Variants in MIR2052HG observed in about 807,000 individuals in gnomAD.
MIR2052HG encodes MIR2052 host gene.
At chr8:74,719,110 C>G (rs1809549190) in intron 4 of MIR2052HG, among the ~76,000 whole-genome samples, 1 of 148,602 alleles carries the variant, frequency 6.7e-6, no homozygotes, top group Non-Finnish European at 1.5e-5. Flanking sequence ...GTAGAAAATA[C>G]TCACCTATTC....
At chr8:74,702,748 A>G (rs1408879624) in intron 3 of MIR2052HG, among the ~76,000 whole-genome samples, 1 of 152,132 alleles carries the variant, frequency 6.6e-6, no homozygotes, top group Non-Finnish European at 1.5e-5. Flanking sequence ...CAATTCAATC[A>G]AAGTGTTTTC....
intron 4 of MIR2052HG, among the ~76,000 whole-genome samples, chr8:74,729,982 A>C (rs1388427792): frequency 1.3e-5 from 2 of 152,210 alleles, no homozygotes; most frequent in East Asian, 3.8e-4. Context: ...TGGTGGAAGA[A>C]TAACCAAAAG....
At chr8:74,640,652 G>A (rs1011996399) in intron 2 of MIR2052HG, among the ~76,000 whole-genome samples, 1 of 152,058 alleles carries the variant, frequency 6.6e-6, no homozygotes, top group Non-Finnish European at 1.5e-5. Flanking sequence ...GTACAAATTA[G>A]GGAAAATAAA....
intron 4 of MIR2052HG, among the ~76,000 whole-genome samples, chr8:74,723,689 A>C (rs1809602754): frequency 6.6e-6 from 1 of 152,198 alleles, no homozygotes; most frequent in South Asian, 2.1e-4. Context: ...TCTCTAAGTA[A>C]AAGGCATATG....
chr8:74,600,407 A>T (rs1432008659), intron 1 of MIR2052HG, among the ~76,000 whole-genome samples: 2 of 151,210 alleles, frequency 1.3e-5, no homozygotes, highest in African/African-American at 4.9e-5. Context: ...AACATGGAGA[A>T]ACCCCGTTTC....
chr8:74,651,135 CA>C (rs1808747130), intron 2 of MIR2052HG, among the ~76,000 whole-genome samples: 2 of 136,804 alleles, frequency 1.5e-5, no homozygotes, highest in Admixed American at 1.4e-4. Flanking sequence ...TTTTTTTTCT[CA>C]TTTTTTTTTC....
chr8:74,607,983 T>C lies in MIR2052HG; in HGVS notation n.129-4870T>C, dbSNP rs548400059. On this transcript the variant is annotated intron_variant and non_coding_transcript_variant, in intron 1 of 6. Coordinates refer to ENST00000523442, the Ensembl canonical transcript of MIR2052HG. ...GTGCCTTATCTATTGGGCAGTTGAA[T>C]TGGCATCTTCATTGGCAGAAATATT... 6.4e-4 allele frequency among the ~76,000 whole-genome samples: 97 copies of C among 152,290 alleles called. 1 individual carries two copies. The highest frequency in any genetic ancestry group is 1.1e-3 in the Non-Finnish European group (73 of 68,024).
chr8:74,679,863 G>A (rs1486806111), intron 2 of MIR2052HG, among the ~76,000 whole-genome samples: 8 of 151,970 alleles, frequency 5.3e-5, no homozygotes, highest in Admixed American at 5.3e-4. Context: ...ATTCTTAACA[G>A]CTAAATAGTA....
At chr8:74,754,134 G>C (rs975462682) in intron 5 of MIR2052HG, among the ~76,000 whole-genome samples, 1 of 152,146 alleles carries the variant, frequency 6.6e-6, no homozygotes, top group African/African-American at 2.4e-5. Flanking sequence ...GAACATAATA[G>C]TACCTACCTC....
chr8:74,748,074 T>C (rs1809905179), intron 4 of MIR2052HG, among the ~76,000 whole-genome samples: 1 of 152,238 alleles, frequency 6.6e-6, no homozygotes, highest in Non-Finnish European at 1.5e-5. Flanking sequence ...GGCAATGGTT[T>C]CTGTTATGAA....
At chr8:74,742,510 A>G (rs1183566043) in intron 4 of MIR2052HG, among the ~76,000 whole-genome samples, 1 of 152,156 alleles carries the variant, frequency 6.6e-6, no homozygotes, top group African/African-American at 2.4e-5. Context: ...CTTTGGATAA[A>G]TGATGCCTAT....
At chr8:74,757,124 A>G (rs1810013092) in intron 5 of MIR2052HG, 1 of 151,860 alleles carries the variant, frequency 6.6e-6, no homozygotes, top group Non-Finnish European at 1.5e-5. Flanking sequence ...ACTGGAGGTC[A>G]TGCAGAGATT....
At chr8:74,664,010 A>G (rs10109333) in intron 2 of MIR2052HG, among the ~76,000 whole-genome samples, 4,574 of 152,294 alleles carry the variant, frequency 0.03, 212 homozygotes, top group African/African-American at 0.1. Flanking sequence ...TTCTAAGTGA[A>G]GTAATTCAGG....
At chr8:74,703,378 TC>T (rs566227717) in intron 3 of MIR2052HG, among the ~76,000 whole-genome samples, 11 of 152,046 alleles carry the variant, frequency 7.2e-5, no homozygotes, top group Non-Finnish European at 1.5e-4. Flanking sequence ...AAACCTATGG[TC>T]TTTTACCAAA....
At chr8:74,755,038 C>G (rs2128757084) in intron 5 of MIR2052HG, among the ~76,000 whole-genome samples, 2 of 152,298 alleles carry the variant, frequency 1.3e-5, no homozygotes, top group Non-Finnish European at 2.9e-5. Context: ...ATTAGGTCGT[C>G]CAGGGGACCC....
At chr8:74,676,391 C>T (rs935036761) in intron 2 of MIR2052HG, among the ~76,000 whole-genome samples, 1 of 151,860 alleles carries the variant, frequency 6.6e-6, no homozygotes, top group Non-Finnish European at 1.5e-5. Flanking sequence ...ATTTATGGTT[C>T]TTATCTTGCT....
At chr8:74,641,248 G>A (rs1563520742) in intron 2 of MIR2052HG, among the ~76,000 whole-genome samples, 1 of 151,990 alleles carries the variant, frequency 6.6e-6, no homozygotes, top group Admixed American at 6.6e-5. Flanking sequence ...TCTTTATTGG[G>A]TCCTAAAAGC....
intron 4 of MIR2052HG, among the ~76,000 whole-genome samples, chr8:74,745,578 T>C (rs1325761834): frequency 2.6e-5 from 4 of 152,122 alleles, no homozygotes; most frequent in African/African-American, 4.8e-5. Context: ...GGTTTTTTTT[T>C]CACTGTAAAT....
intron 2 of MIR2052HG, among the ~76,000 whole-genome samples, chr8:74,698,086 A>C (rs2128740534): frequency 6.6e-6 from 1 of 152,340 alleles, no homozygotes; most frequent in South Asian, 2.1e-4. Context: ...TGGAGGCATC[A>C]CATTACCTGA....
Sources: allele counts gnomAD v4.1 joint callset (sites outside exome capture counted in the v4.1 genomes callset), GRCh38; gene constraint gnomAD v4.1.1; transcripts MANE v1.5; gene names NCBI Gene and HGNC (gene_info 2026-07-23, HGNC 2026-07-21).